The following CHCHD3 variants were observed in gnomAD, a reference collection of about 807,000 sequenced individuals.
CHCHD3 encodes MICOS complex subunit MIC19.
In CHCHD3, 20 loss-of-function variants were observed where a neutral mutation model predicts 38.2. The ratio of observed to expected loss-of-function variants is 0.52; its 90% CI spans 0.37 to 0.76. The LOEUF is 0.76. Among genes scored for constraint, CHCHD3 ranks in the 30% least tolerant of loss-of-function variants. The probability of loss-of-function intolerance (pLI) is 0.00; values close to 1 mark genes in which losing one functional copy is unlikely to be tolerated. For missense variants in CHCHD3, 245 were observed against 279.2 expected (o/e 0.88, Z 0.87); for synonymous variants, 82 against 100.0 (o/e 0.82, Z 1.07).
chr7:132,860,306 G>T (rs1338874931), intron 5 of CHCHD3, among the ~76,000 whole-genome samples: 14 of 99,336 alleles, frequency 1.4e-4, no homozygotes, highest in African/African-American at 4.2e-4. Flanking sequence ...GATAGATAGA[G>T]AGAGAGAGAA....
intron 2 of CHCHD3, among the ~76,000 whole-genome samples, chr7:133,060,696 G>A (rs752644042): frequency 1.4e-4 from 22 of 152,154 alleles, no homozygotes; most frequent in Non-Finnish European, 2.9e-4. Flanking sequence ...ATCACCTGAC[G>A]TCAGCAGTTC....
intron 7 of CHCHD3, among the ~76,000 whole-genome samples, chr7:132,789,939 G>A (rs906364498): frequency 2.6e-5 from 4 of 152,172 alleles, no homozygotes; most frequent in African/African-American, 9.7e-5. Context: ...CTGGAGCTTC[G>A]ATGAGGAAAA....
chr7:132,803,558 A>T (rs1806841213), intron 6 of CHCHD3, among the ~76,000 whole-genome samples: 1 of 151,948 alleles, frequency 6.6e-6, no homozygotes, highest in Non-Finnish European at 1.5e-5. Context: ...TTTGTGAGTT[A>T]TTTCCAATCC....
At chr7:132,955,341 A>G (rs1811137345) in intron 4 of CHCHD3, among the ~76,000 whole-genome samples, 1 of 152,156 alleles carries the variant, frequency 6.6e-6, no homozygotes, top group African/African-American at 2.4e-5. Flanking sequence ...TGGTGTGCAT[A>G]TTACGAACAT....
chr7:133,040,381 C>T (rs1457070065), intron 2 of CHCHD3, among the ~76,000 whole-genome samples: 1 of 152,098 alleles, frequency 6.6e-6, no homozygotes, highest in Non-Finnish European at 1.5e-5. Context: ...CTTTCTCTTC[C>T]CGCATGCAGT....
chr7:132,924,747 A>T (rs1409692258), intron 4 of CHCHD3, among the ~76,000 whole-genome samples: 2 of 152,214 alleles, frequency 1.3e-5, no homozygotes, highest in East Asian at 3.8e-4. Flanking sequence ...TTCCTTTAAG[A>T]TGTGTATCTT....
chr7:132,901,931 G>A (rs1031103356), intron 4 of CHCHD3, among the ~76,000 whole-genome samples: 3 of 151,974 alleles, frequency 2.0e-5, no homozygotes, highest in Admixed American at 2.0e-4. Flanking sequence ...TTTCTTCTAG[G>A]GTTTTTTCTT....
At chr7:132,936,905 C>T (rs1343454423) in intron 4 of CHCHD3, among the ~76,000 whole-genome samples, 1 of 152,130 alleles carries the variant, frequency 6.6e-6, no homozygotes, top group Non-Finnish European at 1.5e-5. Context: ...GTTTGGTAGC[C>T]ATTGTCAAGA....
At chr7:133,024,177 C>CA (rs763224438) in intron 3 of CHCHD3, among the ~76,000 whole-genome samples, 4 of 152,098 alleles carry the variant, frequency 2.6e-5, no homozygotes, top group Non-Finnish European at 4.4e-5. Context: ...CATCATGAGC[C>CA]AAAATATTTA....
intron 7 of CHCHD3, 61 bp from the exon 8 acceptor site, chr7:132,785,721 C>G: frequency 6.7e-7 from 1 of 1,503,264 alleles, no homozygotes; most frequent in Non-Finnish European, 9.2e-7. Context: ...ATAAATGGCA[C>G]TAACTATTTA....
chr7:132,986,415 A>G (rs1447617121), intron 3 of CHCHD3, among the ~76,000 whole-genome samples: 1 of 79,696 alleles, frequency 1.3e-5, no homozygotes, highest in Non-Finnish European at 2.7e-5. Context: ...GAAAAAGAAA[A>G]AGAAAAAAGA....
At chr7:133,056,943 A>ACT (rs10609541) in intron 2 of CHCHD3, among the ~76,000 whole-genome samples, 13 of 150,062 alleles carry the variant, frequency 8.7e-5, no homozygotes, top group African/African-American at 2.2e-4. Context: ...ACATGAGCTC[A>ACT]CTCTCTCTCT....
chr7:133,054,073 T>A (rs1001872385), intron 2 of CHCHD3, among the ~76,000 whole-genome samples: 5 of 152,232 alleles, frequency 3.3e-5, no homozygotes, highest in Admixed American at 3.3e-4. Context: ...TACCTGTTAA[T>A]GAGAAGTACA....
At chr7:132,902,995 T>C (rs760103178) in intron 4 of CHCHD3, among the ~76,000 whole-genome samples, 1 of 152,158 alleles carries the variant, frequency 6.6e-6, no homozygotes, top group South Asian at 2.1e-4. Context: ...ATGATCACCA[T>C]TGTCAACTTA....
intron 6 of CHCHD3, 142 bp from the exon 7 acceptor site, chr7:132,796,719 C>T (rs1806627325): frequency 1.4e-6 from 1 of 708,460 alleles, no homozygotes; most frequent in Non-Finnish European, 2.3e-6. Flanking sequence ...TTTCCTTAAA[C>T]TTCAAAGATA....
At chr7:133,042,353 C>T (rs1813856434) in intron 2 of CHCHD3, among the ~76,000 whole-genome samples, 1 of 152,180 alleles carries the variant, frequency 6.6e-6, no homozygotes, top group South Asian at 2.1e-4. Context: ...TTTGAATACT[C>T]ACAAAGACAC....
rs1262247556 is a variant in CHCHD3, at chr7:132,860,296, GATAGAT to G, written c.454-21833_454-21828del. ...ATAAACAGATTTTTTTTTATAGATA[GATAGAT>G]AGAGAGAGAGAGAAAGAGAGAGAGA... On this transcript the variant is annotated intron_variant, in intron 5 of 7. Transcript: ENST00000262570. 6.0e-5 allele frequency among the ~76,000 whole-genome samples: 6 copies of G among 100,792 alleles called. No individual in the cohort carries two copies. In the East Asian group the frequency reaches 1.1e-3, roughly 19 times the overall value. The allele number at this position is 100,792 out of a possible 152,430, so 66.1% of individuals were successfully genotyped here. A position where few individuals can be genotyped will look rare whatever the true frequency, so the allele number is the denominator to read the frequency against.
At chr7:133,052,535 T>C (rs1814197424) in intron 2 of CHCHD3, among the ~76,000 whole-genome samples, 1 of 152,224 alleles carries the variant, frequency 6.6e-6, no homozygotes, top group African/African-American at 2.4e-5. Context: ...GGAGAAAGCT[T>C]GCCTTTGGCA....
intron 4 of CHCHD3, among the ~76,000 whole-genome samples, chr7:132,921,204 A>T (rs1215899922): frequency 1.3e-5 from 2 of 152,218 alleles, no homozygotes; most frequent in African/African-American, 4.8e-5. Context: ...GCTCCAATTT[A>T]AAAAAGATTT....
Sources: gnomAD v4.1 joint callset for allele counts (sites outside exome capture counted in the v4.1 genomes callset) on GRCh38, gnomAD v4.1.1 for gene constraint, MANE v1.5 for transcripts, NCBI Gene and HGNC (gene_info 2026-07-23, HGNC 2026-07-21) for gene names.